Variants in PCSK5 observed in about 807,000 individuals in gnomAD.
PCSK5 encodes the protein proprotein convertase subtilisin/kexin type 5.
In PCSK5, 129 loss-of-function variants were observed where a neutral mutation model predicts 233.2. The observed-to-expected ratio is 0.55, with a 90% CI of 0.48 to 0.64. The LOEUF is 0.64. PCSK5 is among the 30% of genes least tolerant of loss of function. The pLI is 0.00. For synonymous variants in PCSK5, 825 were observed against 879.2 expected, an observed-to-expected ratio of 0.94 and a Z score of 1.09; for missense variants, 2,076 against 2,430.1, an observed-to-expected ratio of 0.85 and a Z score of 3.06.
intron 27 of PCSK5, among the ~76,000 whole-genome samples, chr9:76,298,870 T>G (rs1343635658): frequency 1.3e-5 from 2 of 152,184 alleles, no homozygotes; most frequent in African/African-American, 4.8e-5. Context: ...TTATTTTGTT[T>G]TTCAAACACA....
chr9:76,238,848 A>G (rs1587792623), intron 22 of PCSK5, 111 bp from the exon 23 acceptor site: 4 of 753,516 alleles, frequency 5.3e-6, no homozygotes, highest in South Asian at 1.8e-5. Flanking sequence ...ATCCACTAGG[A>G]AAAAAAAGCA....
chr9:76,251,645 T>C (rs1030136003), intron 24 of PCSK5, among the ~76,000 whole-genome samples: 13 of 152,150 alleles, frequency 8.5e-5, no homozygotes, highest in African/African-American at 3.1e-4. Context: ...CTTTGCTGAT[T>C]CTGTATAATA....
intron 24 of PCSK5, among the ~76,000 whole-genome samples, chr9:76,282,678 A>T (rs1349978392): frequency 6.6e-6 from 1 of 152,106 alleles, no homozygotes; most frequent in Non-Finnish European, 1.5e-5. Flanking sequence ...GATTTATTAC[A>T]TGGGTATGCT....
At chr9:75,958,749 G>C (rs1279282235) in intron 2 of PCSK5, among the ~76,000 whole-genome samples, 1 of 152,232 alleles carries the variant, frequency 6.6e-6, no homozygotes, top group Non-Finnish European at 1.5e-5. Context: ...ATGAGTGAAA[G>C]TTTCCTTCTG....
intron 24 of PCSK5, among the ~76,000 whole-genome samples, chr9:76,291,124 T>C (rs796312343): frequency 1.2e-4 from 18 of 152,320 alleles, no homozygotes; most frequent in African/African-American, 4.3e-4. Flanking sequence ...TGCTAGAAAT[T>C]TTCCCACTTA....
At chr9:76,181,321 G>C (rs1018134059) in intron 15 of PCSK5, 77 bp from the exon 16 acceptor site, 4 of 1,248,232 alleles carry the variant, frequency 3.2e-6, no homozygotes, top group Middle Eastern at 2.8e-4. Context: ...TCAGCCATTT[G>C]CTCAGCACCT....
intron 24 of PCSK5, among the ~76,000 whole-genome samples, chr9:76,279,116 T>A (rs866489575): frequency 7.5e-6 from 1 of 133,506 alleles, no homozygotes; most frequent in African/African-American, 2.8e-5. Flanking sequence ...CCTGTGTCCA[T>A]GTGATCTCAT....
rs1310415152 is a variant in PCSK5, at chr9:76,023,721, T to C, written c.412-17T>C. 4 of 1,588,004 alleles carry C rather than the reference T, an allele frequency of 2.5e-6. No individual in the cohort carries two copies. Among genetic ancestry groups the C allele is most frequent in the Non-Finnish European group, 3.4e-6 (4 of 1,169,758 alleles). On this transcript the variant is annotated splice_polypyrimidine_tract_variant and intron_variant, in intron 3 of 37. Transcript: ENST00000674117. ...CTCACTATTTAGTAATCTTGCAGCATGCTCTTCTTCTTTCAGCACTGCAGT... is the reference window on the plus strand; with the variant it reads ...CTCACTATTTAGTAATCTTGCAGCACGCTCTTCTTCTTTCAGCACTGCAGT...
intron 2 of PCSK5, among the ~76,000 whole-genome samples, chr9:75,946,834 C>A (rs976744205): frequency 3.9e-5 from 6 of 152,130 alleles, no homozygotes; most frequent in Non-Finnish European, 8.8e-5. Context: ...GTGATCCACC[C>A]ACCTCGGCCT....
chr9:76,096,596 C>T (rs187079218), intron 8 of PCSK5, among the ~76,000 whole-genome samples: 62 of 150,862 alleles, frequency 4.1e-4, no homozygotes, highest in African/African-American at 1.4e-3. Context: ...GTAAAAGGTG[C>T]GTTTCTTTTT....
chr9:75,942,357 T>C (rs1356767742), intron 2 of PCSK5, among the ~76,000 whole-genome samples: 1 of 152,228 alleles, frequency 6.6e-6, no homozygotes, highest in South Asian at 2.1e-4. Flanking sequence ...GGGTTGGCTG[T>C]GTTGGGAGAA....
At chr9:76,185,854 G>T (rs1052509207) in intron 17 of PCSK5, among the ~76,000 whole-genome samples, 5 of 152,048 alleles carry the variant, frequency 3.3e-5, no homozygotes, top group Admixed American at 2.6e-4. Flanking sequence ...TGTTTTGCTG[G>T]ATTATGATAA....
intron 7 of PCSK5, among the ~76,000 whole-genome samples, chr9:76,081,321 G>T (rs1156645866): frequency 6.6e-6 from 1 of 152,104 alleles, no homozygotes; most frequent in Non-Finnish European, 1.5e-5. Context: ...GGGCGTGGTA[G>T]CCCACACCTG....
chr9:76,064,885 C>T (rs1021183189), intron 5 of PCSK5, among the ~76,000 whole-genome samples: 1 of 152,242 alleles, frequency 6.6e-6, no homozygotes, highest in Non-Finnish European at 1.5e-5. Context: ...CGCAGTCTCC[C>T]TATCTTGCCT....
At chr9:76,214,016 C>T (rs1475111699) in intron 20 of PCSK5, among the ~76,000 whole-genome samples, 2 of 151,980 alleles carry the variant, frequency 1.3e-5, no homozygotes, top group East Asian at 1.9e-4. Flanking sequence ...AGTGAGGCCA[C>T]GGAGACCCCA....
rs549724291 is a variant in PCSK5 at position 75,934,643 on chromosome 9, G to A, written c.297+2160G>A. On this transcript the variant is annotated intron_variant, in intron 2 of 37. Transcript: ENST00000674117. ...ATTGCCCAGGCTGGAGTGCAATGGC[G>A]CGATCTCAGCTCACTACAACCTCCA... 9.9e-5 allele frequency among the ~76,000 whole-genome samples: 15 copies of A among 151,192 alleles called. No homozygotes were observed. In the South Asian group the frequency reaches 1.5e-3, roughly 15 times the overall value.
At position 76,034,108 on chromosome 9, in the gene PCSK5, G is replaced by A. The variant is rs57687736; in HGVS notation, c.632+7071G>A. The stretch of plus-strand genomic sequence containing the variant: ...TAGGTTCTGGGAAGTGGCCTCCCAC[G>A]GAAAATTGCGGTGTAATAGGAAAAG... On this transcript the variant is annotated intron_variant, in intron 5 of 37. Coordinates refer to ENST00000674117, the MANE Select transcript of PCSK5 (RefSeq NM_001372043.1). 1.9e-3 allele frequency among the ~76,000 whole-genome samples: 283 copies of A among 152,134 alleles called. 2 individuals carry two copies. Among genetic ancestry groups the A allele is most frequent in the African/African-American group, 6.5e-3 (271 of 41,504 alleles).
chr9:76,302,162 T>G lies in PCSK5; in HGVS notation c.3549T>G (p.Ser1183=). The change falls in exon 28 of 38, where the codon TCT becomes TCG. Residue 1183 remains serine, a synonymous_variant. Coordinates refer to ENST00000674117, the MANE Select transcript of PCSK5 (RefSeq NM_001372043.1). The stretch of plus-strand genomic sequence containing the variant: ...AAGCTGTGTCCACTGCAAACCTATC[T>G]GTGGTGAAGAGCCTGCTGCAGGAGC... The part of the protein sequence containing the change: ...WNEAVSTANL[S]VVKSLLQERR... 1 of 1,349,990 alleles carries G rather than the reference T, an allele frequency of 7.4e-7. No homozygotes were observed. Among genetic ancestry groups the G allele is most frequent in the Non-Finnish European group, 9.8e-7 (1 of 1,015,950 alleles). 83.6% of individuals were successfully genotyped at this position (1,349,990 alleles called of 1,614,324 possible). A position where few individuals can be genotyped will look rare whatever the true frequency, so the allele number is the denominator to read the frequency against.
At chr9:76,249,447 A>G (rs1162881089) in intron 24 of PCSK5, among the ~76,000 whole-genome samples, 1 of 152,188 alleles carries the variant, frequency 6.6e-6, no homozygotes, top group Admixed American at 6.5e-5. Context: ...AGATAAAACA[A>G]TCAAGAAAAT....
Sources: allele counts gnomAD v4.1 joint callset (sites outside exome capture counted in the v4.1 genomes callset), GRCh38; gene constraint gnomAD v4.1.1; transcripts MANE v1.5; gene names NCBI Gene and HGNC (gene_info 2026-07-23, HGNC 2026-07-21).